The following MYO18B variants were observed in gnomAD, a reference collection of about 807,000 sequenced individuals.
MYO18B encodes unconventional myosin-XVIIIb.
In MYO18B, 204 loss-of-function variants were observed where a neutral mutation model predicts 273.0. That is an observed-to-expected ratio of 0.75 (90% confidence interval 0.67 to 0.84). MYO18B has a LOEUF of 0.84. Ranked by LOEUF, MYO18B falls within the 40% of genes least tolerant of loss-of-function variation. MYO18B has a pLI of 0.00. For missense variants in MYO18B, 3,212 were observed against 3,287.6 expected, an observed-to-expected ratio of 0.98 and a Z score of 0.56; for synonymous variants, 1,330 against 1,305.7, an observed-to-expected ratio of 1.02 and a Z score of -0.40.
chr22:25,929,856 G>A (rs931939244), intron 34 of MYO18B, among the ~76,000 whole-genome samples: 3 of 152,196 alleles, frequency 2.0e-5, no homozygotes, highest in African/African-American at 4.8e-5. Flanking sequence ...TCTTTGTACC[G>A]TCTGATCTTT....
intron 19 of MYO18B, 104 bp downstream of exon 19, chr22:25,846,387 AG>A (rs1324404978): frequency 8.5e-6 from 11 of 1,291,874 alleles, no homozygotes; most frequent in Admixed American, 4.7e-5. Context: ...CTCCCCAGCA[AG>A]GCCAGAGGGG....
chr22:25,921,244 C>G lies in MYO18B; in HGVS notation c.5365-13C>G, dbSNP rs1006146931. Reference sequence around the variant, plus strand: ...TTGCCACCTAAGCTCATGGGTCTCCCTTTGGCTTTCAGATTGGCCATCGGG... The same window carrying G: ...TTGCCACCTAAGCTCATGGGTCTCCGTTTGGCTTTCAGATTGGCCATCGGG... On this transcript the variant is annotated splice_polypyrimidine_tract_variant and intron_variant, in intron 33 of 43. Coordinates refer to ENST00000335473, the MANE Select transcript of MYO18B (RefSeq NM_032608.7). 1.3e-6 allele frequency: 2 copies of G among 1,549,090 alleles called. No homozygotes were observed. The highest frequency in any genetic ancestry group is 1.4e-5 in the African/African-American group (1 of 73,134).
chr22:25,921,546 G>T (rs2092342421), intron 34 of MYO18B, 137 bp downstream of exon 34: 5 of 1,075,356 alleles, frequency 4.6e-6, no homozygotes, highest in Non-Finnish European at 6.6e-6. Context: ...GAGATGGGGG[G>T]CATTTCAGGG....
At chr22:26,023,257 A>G (rs1824053549) in intron 42 of MYO18B, among the ~76,000 whole-genome samples, 1 of 151,004 alleles carries the variant, frequency 6.6e-6, no homozygotes, top group South Asian at 2.1e-4. Flanking sequence ...TCCTCCCTCC[A>G]CTTTTCTTAT....
intron 1 of MYO18B, among the ~76,000 whole-genome samples, chr22:25,752,397 C>T (rs973791794): frequency 1.3e-5 from 2 of 151,270 alleles, no homozygotes; most frequent in Admixed American, 6.6e-5. Context: ...CCGTTTTAGC[C>T]GGGATGGTCT....
In MYO18B at chr22:25,833,118, G is replaced by A. The variant is rs1270861276; in HGVS notation, c.3060+121G>A. 5.6e-6 allele frequency: 5 copies of A among 900,244 alleles called. No homozygotes were observed. In the East Asian group the frequency reaches 1.3e-4, roughly 23 times the overall value. 55.8% of individuals were successfully genotyped at this position (900,244 alleles called of 1,614,324 possible). Reference sequence around the variant, plus strand: ...CCGTGTGCACCTAGAGTCACCCCGGGATCATTGGCAACGTGGATGCCTGGG... The same window carrying A: ...CCGTGTGCACCTAGAGTCACCCCGGAATCATTGGCAACGTGGATGCCTGGG... On this transcript the variant is annotated intron_variant, in intron 16 of 43. Transcript: ENST00000335473.
At chr22:26,023,389 G>A (rs995825715) in intron 42 of MYO18B, among the ~76,000 whole-genome samples, 3 of 152,166 alleles carry the variant, frequency 2.0e-5, no homozygotes. Context: ...GCAAGACACT[G>A]TCAGTTCAGA....
At chr22:25,742,485 G>A (rs2085655970) in intron 1 of MYO18B, among the ~76,000 whole-genome samples, 192 bp downstream of exon 1, 1 of 152,250 alleles carries the variant, frequency 6.6e-6, no homozygotes, top group African/African-American at 2.4e-5. Flanking sequence ...TTGAAAACAA[G>A]AGTGTTTCGG....
intron 42 of MYO18B, among the ~76,000 whole-genome samples, chr22:26,025,587 T>A (rs1462299509): frequency 6.6e-6 from 1 of 152,174 alleles, no homozygotes; most frequent in Non-Finnish European, 1.5e-5. Context: ...ATTTGGCAAC[T>A]TTTTTACTTT....
chr22:25,791,362 A>G (rs770335338), intron 11 of MYO18B, among the ~76,000 whole-genome samples: 4 of 152,250 alleles, frequency 2.6e-5, no homozygotes, highest in Non-Finnish European at 5.9e-5. Context: ...AGCCAAAGCA[A>G]GGACCCCAGG....
chr22:25,927,511 G>T (rs1429153075), intron 34 of MYO18B, among the ~76,000 whole-genome samples: 1 of 152,154 alleles, frequency 6.6e-6, no homozygotes, highest in African/African-American at 2.4e-5. Flanking sequence ...CTCCTGATAA[G>T]ATGTTATCAA....
rs569835625 is a variant in MYO18B, at chr22:25,992,706, A to G, written c.6287+213A>G. Among the ~76,000 whole-genome samples the G allele has an allele frequency of 2.4e-3, 367 of 152,328 alleles. 2 individuals are homozygous for G. Among genetic ancestry groups the G allele is most frequent in the Admixed American group, 2.7e-3 (41 of 15,296 alleles). On this transcript the variant is annotated intron_variant, in intron 40 of 43. Coordinates refer to ENST00000335473, the MANE Select transcript of MYO18B (RefSeq NM_032608.7). ...TGCTGTTGCTAAAACCTCTCAGTCC[A>G]GCTTACCAAGCCTTTGGTGAGGCAA... is the stretch of plus-strand genomic sequence containing the variant.
At position 25,832,993 on chromosome 22, in the gene MYO18B, C is replaced by A. The variant is rs1390250397; in HGVS notation, c.3056C>A (p.Ser1019Tyr). 4.3e-6 allele frequency: 7 copies of A among 1,613,704 alleles called. No individual in the cohort carries two copies. The highest frequency in any genetic ancestry group is 5.9e-6 in the Non-Finnish European group (7 of 1,179,820). ...GTGGCTGTTGTGGATCAAAATCCCT[C>A]TCAGGTAACACAGGGCCCAGCCAAT... is the stretch of plus-strand genomic sequence containing the variant. ...TTVAVVDQNP[S>Y]QVRLPAGGGA... The change falls in exon 16 of 44, where the codon TCT (serine) becomes TAT (tyrosine). Residue 1019 changes from serine (S) to tyrosine (Y), a missense_variant. Ser to Tyr is a moderately radical substitution (Grantham distance 144, BLOSUM62 -2). Transcript: ENST00000335473.
At chr22:25,902,492 CTCTCTT>C in intron 29 of MYO18B, 115 bp from the exon 30 acceptor site, 4 of 1,128,874 alleles carry the variant, frequency 3.5e-6, no homozygotes, top group African/African-American at 1.6e-5. Context: ...CTTCCTTTTG[CTCTCTT>C]TCTAATGGTT....
At chr22:25,818,785 C>A (rs976433238) in intron 12 of MYO18B, among the ~76,000 whole-genome samples, 10 of 152,154 alleles carry the variant, frequency 6.6e-5, no homozygotes, top group African/African-American at 2.2e-4. Flanking sequence ...TTTTTGAGCA[C>A]CTTTTCTGGG....
intron 29 of MYO18B, chr22:25,899,691 T>G (rs1157739381): frequency 6.6e-6 from 1 of 152,172 alleles, no homozygotes; most frequent in Non-Finnish European, 1.5e-5. Flanking sequence ...TCCACCTCCC[T>G]GTGGGTGCTC....
intron 11 of MYO18B, among the ~76,000 whole-genome samples, chr22:25,787,969 G>T (rs1012365089): frequency 1.3e-5 from 2 of 152,202 alleles, no homozygotes; most frequent in African/African-American, 4.8e-5. Context: ...GAAGGAAAAG[G>T]ACCCAAGCTG....
chr22:26,031,644 G>A (rs759092741), downstream of MYO18B, among the ~76,000 whole-genome samples: 48 of 152,170 alleles, frequency 3.2e-4, no homozygotes, highest in Admixed American at 1.2e-3. Context: ...GTGGGCACAC[G>A]ATTCAACCCA....
intron 42 of MYO18B, among the ~76,000 whole-genome samples, chr22:26,007,830 A>T (rs892535231): frequency 8.5e-5 from 13 of 152,204 alleles, no homozygotes; most frequent in Non-Finnish European, 2.9e-5. Context: ...CAATCTATGA[A>T]TACTTCTCTC....
Sources: allele counts gnomAD v4.1 joint callset (sites outside exome capture counted in the v4.1 genomes callset), GRCh38; gene constraint gnomAD v4.1.1; transcripts MANE v1.5; gene names NCBI Gene and HGNC (gene_info 2026-07-23, HGNC 2026-07-21).